Variants in MEIS2 observed in about 807,000 individuals in gnomAD.
MEIS2 encodes homeobox protein Meis2.
A neutral mutation model predicts 58.6 loss-of-function variants in MEIS2; 9 were observed. That is an observed-to-expected ratio of 0.15 (90% confidence interval 0.09 to 0.27). MEIS2 has a LOEUF of 0.27. MEIS2 is among the 10% of genes least tolerant of loss of function. The pLI, the probability that MEIS2 is intolerant of heterozygous loss-of-function variation, is 1.00. For synonymous variants in MEIS2, 221 were observed against 228.4 expected (o/e 0.97, Z 0.29); for missense variants, 427 against 635.0 (o/e 0.67, Z 3.52).
rs73395434 is a variant in MEIS2 at position 37,070,436 on chromosome 15, T to C, written c.754+13335A>G. Among the ~76,000 whole-genome samples, 654 of 152,240 alleles carry C rather than the reference T, an allele frequency of 4.3e-3. 2 individuals are homozygous for C. The highest frequency in any genetic ancestry group is 0.013 in the African/African-American group (545 of 41,548). On this transcript the variant is annotated intron_variant, in intron 7 of 11. Coordinates refer to ENST00000561208, the MANE Select transcript of MEIS2 (RefSeq NM_170675.5). ...TCTGAGAAAGACTGGCCCCCAGAGA[T>C]AATGCATAAAAGCGTTTCAATGGTT... is the stretch of plus-strand genomic sequence containing the variant.
intron 8 of MEIS2, among the ~76,000 whole-genome samples, chr15:36,950,787 T>A (rs2058726954): frequency 6.6e-6 from 1 of 152,148 alleles, no homozygotes; most frequent in Non-Finnish European, 1.5e-5. Context: ...AAAGCCCTTA[T>A]TCTAAATTAT....
intron 8 of MEIS2, among the ~76,000 whole-genome samples, chr15:36,996,048 T>TGTGA (rs2060510765): frequency 9.5e-6 from 1 of 104,960 alleles, no homozygotes; most frequent in South Asian, 3.8e-4. Flanking sequence ...CACACACACA[T>TGTGA]ATATATATAC....
At chr15:36,998,222 C>T (rs1436496812) in intron 8 of MEIS2, among the ~76,000 whole-genome samples, 2 of 139,776 alleles carry the variant, frequency 1.4e-5, no homozygotes, top group South Asian at 2.5e-4. Flanking sequence ...GATATATTGT[C>T]GTAAAAACAC....
chr15:37,090,110 A>ATTTTTT (rs1051608327), intron 6 of MEIS2, among the ~76,000 whole-genome samples: 1 of 151,974 alleles, frequency 6.6e-6, no homozygotes. Flanking sequence ...ACTATTATAT[A>ATTTTTT]TTTTTTTCTC....
chr15:37,020,364 A>T (rs12440726), intron 8 of MEIS2, among the ~76,000 whole-genome samples: 19,288 of 152,168 alleles, frequency 0.13, 1,262 homozygotes, highest in East Asian at 0.21. Flanking sequence ...TCCTGAAAAT[A>T]CACAAGCTGG....
At chr15:37,041,988 G>C (rs1673233092) in intron 7 of MEIS2, among the ~76,000 whole-genome samples, 2 of 152,058 alleles carry the variant, frequency 1.3e-5, no homozygotes. Context: ...ACCAACCTGG[G>C]CAACATAGTG....
chr15:37,007,495 G>A (rs1277742184), intron 8 of MEIS2, among the ~76,000 whole-genome samples: 7 of 152,150 alleles, frequency 4.6e-5, no homozygotes, highest in Non-Finnish European at 7.4e-5. Flanking sequence ...GGGTGGTGCC[G>A]GCATGTGAAC....
rs1172831089 is a variant in MEIS2, at chr15:37,099,272, G to A, written c.12+183C>T. The A allele has an allele frequency of 2.9e-5, 42 of 1,462,472 alleles. No homozygotes were observed. In the East Asian group the frequency reaches 1.0e-3, roughly 35 times the overall value. The allele number at this position is 1,462,472 out of a possible 1,614,324, so 90.6% of individuals were successfully genotyped here. A position where few individuals can be genotyped will look rare whatever the true frequency, so the allele number is the denominator to read the frequency against. ...CGCACACACGCACGCACACACACTC[G>A]CACACACGCAGAGGCACGGGAGGGA... On this transcript the variant is annotated intron_variant, in intron 1 of 11. Transcript: ENST00000561208.
intron 9 of MEIS2, among the ~76,000 whole-genome samples, chr15:36,917,474 G>C (rs1157882133): frequency 3.3e-5 from 5 of 152,160 alleles, no homozygotes; most frequent in African/African-American, 1.2e-4. Flanking sequence ...TGATTCAACA[G>C]GCCCATGCTA....
chr15:37,062,178 A>T lies in MEIS2; in HGVS notation c.754+21593T>A, dbSNP rs150167214. On this transcript the variant is annotated intron_variant, in intron 7 of 11. Transcript: ENST00000561208. Reference sequence around the variant, plus strand: ...CATGACTCACAGCTCTCTGATCTCCAGGCCAATACTCTTTGCATGTGGCAC... The same window carrying T: ...CATGACTCACAGCTCTCTGATCTCCTGGCCAATACTCTTTGCATGTGGCAC... 1.3e-5 allele frequency among the ~76,000 whole-genome samples: 2 copies of T among 152,188 alleles called. 1 individual carries two copies. The highest frequency in any genetic ancestry group is 2.9e-5 in the Non-Finnish European group (2 of 68,040).
intron 8 of MEIS2, among the ~76,000 whole-genome samples, chr15:36,973,360 C>T (rs1440192365): frequency 6.6e-6 from 1 of 152,140 alleles, no homozygotes; most frequent in Non-Finnish European, 1.5e-5. Context: ...GGTAGAAAGA[C>T]CTTTATTTCA....
At chr15:36,935,039 C>G (rs910072143) in intron 9 of MEIS2, among the ~76,000 whole-genome samples, 1 of 152,122 alleles carries the variant, frequency 6.6e-6, no homozygotes, top group South Asian at 2.1e-4. Flanking sequence ...TTTGTTCACT[C>G]GCTGCCCTGG....
chr15:36,895,915 C>T (rs1453999861), intron 10 of MEIS2, among the ~76,000 whole-genome samples: 1 of 152,188 alleles, frequency 6.6e-6, no homozygotes, highest in East Asian at 1.9e-4. Context: ...TTAGTGGCAG[C>T]AGTCATCACC....
intron 11 of MEIS2, among the ~76,000 whole-genome samples, chr15:36,892,852 A>C (rs1391977503): frequency 6.6e-6 from 1 of 152,228 alleles, no homozygotes; most frequent in Non-Finnish European, 1.5e-5. Context: ...AAAATTGTAG[A>C]TAGTAGAATA....
intron 8 of MEIS2, among the ~76,000 whole-genome samples, chr15:37,015,525 A>G (rs902221816): frequency 2.4e-4 from 35 of 147,450 alleles, no homozygotes; most frequent in African/African-American, 8.7e-4. Flanking sequence ...TCATGCCAGG[A>G]TGTTATCGAA....
chr15:37,046,396 C>A (rs558850775), intron 7 of MEIS2, among the ~76,000 whole-genome samples: 1 of 152,070 alleles, frequency 6.6e-6, no homozygotes, highest in Non-Finnish European at 1.5e-5. Context: ...TGCAAATGTG[C>A]GTCCAGAGAC....
At chr15:36,997,611 C>G (rs1488417498) in intron 8 of MEIS2, among the ~76,000 whole-genome samples, 1 of 151,734 alleles carries the variant, frequency 6.6e-6, no homozygotes, top group Admixed American at 6.6e-5. Context: ...CTTGGAGTAG[C>G]TGGGACTACA....
intron 11 of MEIS2, chr15:36,894,675 C>T: frequency 6.9e-7 from 1 of 1,455,902 alleles, no homozygotes; most frequent in Non-Finnish European, 9.6e-7. Context: ...AATAAAGTCT[C>T]TGAAGTGATA....
At chr15:37,062,487 A>C (rs930069348) in intron 7 of MEIS2, among the ~76,000 whole-genome samples, 37 of 152,248 alleles carry the variant, frequency 2.4e-4, no homozygotes, top group African/African-American at 8.9e-4. Context: ...TCAAAGAGAC[A>C]GAAGGAGAGA....
Sources: allele counts gnomAD v4.1 joint callset (sites outside exome capture counted in the v4.1 genomes callset), GRCh38; gene constraint gnomAD v4.1.1; transcripts MANE v1.5; gene names NCBI Gene and HGNC (gene_info 2026-07-23, HGNC 2026-07-21).